CAMK1D: variants seen among roughly 807,000 people sequenced by gnomAD.
CAMK1D encodes calcium/calmodulin dependent protein kinase ID.
CAMK1D carries 9 observed loss-of-function variants against 47.7 expected under a neutral mutation model. That is an observed-to-expected ratio of 0.19 (90% CI 0.11 to 0.33). The LOEUF (loss-of-function observed/expected upper bound fraction) is 0.33. Ranked by LOEUF, CAMK1D falls within the 10% of genes least tolerant of loss-of-function variation. CAMK1D has a pLI of 1.00. For missense variants in CAMK1D, 291 were observed against 488.7 expected, an observed-to-expected ratio of 0.60 and a Z score of 3.81; for synonymous variants, 184 against 184.9, an observed-to-expected ratio of 0.99 and a Z score of 0.04.
intron 5 of CAMK1D, among the ~76,000 whole-genome samples, chr10:12,788,152 T>A (rs563009430): frequency 6.6e-6 from 1 of 152,362 alleles, no homozygotes; most frequent in East Asian, 1.9e-4. Context: ...ATAACAACCA[T>A]GCTGTTATCC....
At chr10:12,490,501 TA>T (rs973212286) in intron 1 of CAMK1D, among the ~76,000 whole-genome samples, 4 of 152,120 alleles carry the variant, frequency 2.6e-5, no homozygotes, top group African/African-American at 9.7e-5. Flanking sequence ...ATTACTTTCT[TA>T]AAGTGATAGA....
intron 5 of CAMK1D, among the ~76,000 whole-genome samples, chr10:12,784,304 T>A (rs1837623913): frequency 6.6e-6 from 1 of 151,730 alleles, no homozygotes; most frequent in Non-Finnish European, 1.5e-5. Context: ...TTCAAGCGAT[T>A]CTCTTGCCTC....
chr10:12,615,008 A>G (rs1363199921), intron 2 of CAMK1D, among the ~76,000 whole-genome samples: 1 of 152,204 alleles, frequency 6.6e-6, no homozygotes, highest in East Asian at 1.9e-4. Flanking sequence ...CTCAGTGAAG[A>G]TAACGTTGGA....
intron 1 of CAMK1D, among the ~76,000 whole-genome samples, chr10:12,421,626 A>G (rs1317709436): frequency 6.0e-5 from 8 of 133,370 alleles, no homozygotes; most frequent in African/African-American, 5.7e-5. Flanking sequence ...CCTGGGTTCA[A>G]GCGATTCTTC....
intron 6 of CAMK1D, among the ~76,000 whole-genome samples, chr10:12,798,032 A>G (rs1353214419): frequency 6.6e-6 from 1 of 152,166 alleles, no homozygotes; most frequent in South Asian, 2.1e-4. Context: ...GCCGTGTGGA[A>G]TGCACCAACT....
intron 3 of CAMK1D, among the ~76,000 whole-genome samples, chr10:12,746,335 G>C (rs1025030834): frequency 7.5e-6 from 1 of 133,744 alleles, no homozygotes; most frequent in Non-Finnish European, 1.5e-5. Context: ...CTGCACTCCA[G>C]CCTGGGCGAC....
intron 9 of CAMK1D, 121 bp downstream of exon 9, chr10:12,824,673 A>C (rs896434555): frequency 4.2e-6 from 3 of 722,214 alleles, no homozygotes; most frequent in African/African-American, 3.5e-5. Context: ...TTTTAACTGC[A>C]AGTAATAAAG....
At chr10:12,651,980 T>C (rs1005256026) in intron 2 of CAMK1D, among the ~76,000 whole-genome samples, 11 of 151,574 alleles carry the variant, frequency 7.3e-5, no homozygotes, top group South Asian at 4.2e-4. Flanking sequence ...GGGGTTTCAC[T>C]GTGTTAGCCA....
intron 7 of CAMK1D, among the ~76,000 whole-genome samples, chr10:12,814,568 T>C (rs1743013784): frequency 6.6e-6 from 1 of 152,198 alleles, no homozygotes; most frequent in Admixed American, 6.5e-5. Flanking sequence ...TTCTGGTTCA[T>C]AGACTGCTTT....
At chr10:12,534,430 G>A (rs1365057611) in intron 1 of CAMK1D, among the ~76,000 whole-genome samples, 2 of 152,108 alleles carry the variant, frequency 1.3e-5, no homozygotes, top group Non-Finnish European at 2.9e-5. Flanking sequence ...GCAGTGGCAC[G>A]ATCTCGGCTC....
intron 3 of CAMK1D, among the ~76,000 whole-genome samples, chr10:12,717,006 A>G (rs1834167762): frequency 6.6e-6 from 1 of 152,204 alleles, no homozygotes; most frequent in Non-Finnish European, 1.5e-5. Context: ...TTCTCATTTT[A>G]AATGTATTGG....
chr10:12,578,662 G>A (rs559212451), intron 2 of CAMK1D: 2 of 151,602 alleles, frequency 1.3e-5, no homozygotes, highest in South Asian at 4.2e-4. Context: ...CAATACTTCT[G>A]TCTCAGTTTC....
chr10:12,428,472 C>G (rs1308658963), intron 1 of CAMK1D, among the ~76,000 whole-genome samples: 1 of 152,222 alleles, frequency 6.6e-6, no homozygotes, highest in Non-Finnish European at 1.5e-5. Context: ...CCGTTTCTCT[C>G]TCTCTCTGCT....
At chr10:12,362,651 T>C (rs531929971) in intron 1 of CAMK1D, among the ~76,000 whole-genome samples, 5 of 151,932 alleles carry the variant, frequency 3.3e-5, no homozygotes, top group South Asian at 4.2e-4. Flanking sequence ...GCGCCCGCCA[T>C]GATGCCTGGC....
At chr10:12,565,871 C>T (rs1004444412) in intron 2 of CAMK1D, among the ~76,000 whole-genome samples, 2 of 151,786 alleles carry the variant, frequency 1.3e-5, no homozygotes, top group Non-Finnish European at 2.9e-5. Context: ...AGAAAGGGGC[C>T]GCTTCTCCTT....
intron 6 of CAMK1D, among the ~76,000 whole-genome samples, chr10:12,803,839 A>G (rs1322543887): frequency 1.3e-5 from 2 of 152,156 alleles, no homozygotes; most frequent in African/African-American, 4.8e-5. Flanking sequence ...ACCCCAGAAT[A>G]AAATCTTTGA....
At chr10:12,723,844 T>C (rs6602612) in intron 3 of CAMK1D, among the ~76,000 whole-genome samples, 70,978 of 151,972 alleles carry the variant, frequency 0.47, 20,173 homozygotes, top group Non-Finnish European at 0.61. Context: ...TGTGCCATGT[T>C]GGTGTGCTGC....
At chr10:12,638,227 A>T (rs1428834930) in intron 2 of CAMK1D, among the ~76,000 whole-genome samples, 2 of 152,038 alleles carry the variant, frequency 1.3e-5, no homozygotes, top group African/African-American at 4.8e-5. Context: ...CGTGTGCAGA[A>T]CCACAGCTTC....
chr10:12,818,527 C>T (rs370794436), intron 8 of CAMK1D, among the ~76,000 whole-genome samples: 9 of 152,144 alleles, frequency 5.9e-5, no homozygotes, highest in African/African-American at 1.9e-4. Context: ...AAAAATTAGC[C>T]GGACACGGTG....
Sources: gnomAD v4.1 joint callset for allele counts (sites outside exome capture counted in the v4.1 genomes callset) on GRCh38, gnomAD v4.1.1 for gene constraint, MANE v1.5 for transcripts, NCBI Gene and HGNC (gene_info 2026-07-23, HGNC 2026-07-21) for gene names.